The following ICE2 variants were observed in gnomAD, a reference collection of about 807,000 sequenced individuals.
ICE2 encodes the protein little elongation complex subunit 2.
Under a neutral mutation model 105.4 loss-of-function variants are expected in ICE2, and 87 were observed. That is an observed-to-expected ratio of 0.83 (90% CI 0.69 to 0.99). The LOEUF (loss-of-function observed/expected upper bound fraction) is 0.99, where lower values mean the gene tolerates loss of function less well. ICE2 is among the 50% of genes least tolerant of loss of function. The probability of loss-of-function intolerance (pLI) is 0.00; values close to 1 mark genes in which losing one functional copy is unlikely to be tolerated. For synonymous variants in ICE2, 399 were observed against 392.0 expected (o/e 1.02, Z -0.21); for missense variants, 1,323 against 1,146.7 (o/e 1.15, Z -2.22).
At chr15:60,455,278 A>C in intron 7 of ICE2, 48 bp downstream of exon 7, 3 of 1,542,470 alleles carry the variant, frequency 1.9e-6, no homozygotes, top group Non-Finnish European at 1.8e-6. Flanking sequence ...ATATTTTGTG[A>C]GATATAAAAG....
At chr15:60,453,393 C>G in intron 9 of ICE2, 1 of 1,360,826 alleles carries the variant, frequency 7.3e-7, no homozygotes, top group Non-Finnish European at 9.5e-7. Flanking sequence ...CAAGTAGGTA[C>G]TACTTCCTTT....
rs1567008845 is a variant in ICE2, at chr15:60,468,117, T to C, written c.352A>G (p.Ile118Val). Residue 118 changes from isoleucine to valine, a missense_variant, in exon 4 of 16, where the codon ATT becomes GTT. Coordinates refer to ENST00000261520, the MANE Select transcript of ICE2 (RefSeq NM_024611.6). ...CCAACAGCTTTGGAATTTGCAGGAA[T>C]CTTTGCGTATTTAACCAACAAGTCC... ...YVDLLVKYAK[I>V]PANSKAVGIN... is the part of the protein sequence containing the mutation. 6.2e-7 allele frequency: 1 copy of C among 1,613,976 alleles called. No homozygotes were observed. The highest frequency in any genetic ancestry group is 1.7e-5 in the Admixed American group (1 of 60,020).
At position 60,428,876 on chromosome 15, in the gene ICE2, T is replaced by A. The variant is rs182533658; in HGVS notation, c.2562-189A>T. ...TTTTATGCTTTTTAGGCAACTAATT[T>A]TAATTCTTATTCCAAAGTTCAGAAT... is the stretch of plus-strand genomic sequence containing the variant. On this transcript the variant is annotated intron_variant, in intron 14 of 15. Transcript: ENST00000261520. Among the ~76,000 whole-genome samples, 446 of 152,374 alleles carry A rather than the reference T, an allele frequency of 2.9e-3. 1 individual carries two copies. Among genetic ancestry groups the A allele is most frequent in the Non-Finnish European group, 2.9e-3 (199 of 68,034 alleles).
At position 60,452,060 on chromosome 15, in the gene ICE2, T is replaced by C. The variant is rs535093650; in HGVS notation, c.1125+1543A>G. ...GTCTACCATTACTGAAAGAAGCCAC[T>C]GTCAATTTTCATCCCTTTTAACCTA... On this transcript the variant is annotated intron_variant, in intron 9 of 15. Transcript: ENST00000261520. The C allele has an allele frequency of 5.0e-5, 49 of 983,868 alleles. No homozygotes were observed. The African/African-American group carries it at 8.4e-4, about 17-fold the overall frequency. The allele number at this position is 983,868 out of a possible 1,614,324, so 60.9% of individuals were successfully genotyped here. A position where few individuals can be genotyped will look rare whatever the true frequency, so the allele number is the denominator to read the frequency against.
At chr15:60,424,096 A>G (rs1566963876) in intron 15 of ICE2, among the ~76,000 whole-genome samples, 1 of 152,184 alleles carries the variant, frequency 6.6e-6, no homozygotes, top group African/African-American at 2.4e-5. Context: ...TGTGTTTGAA[A>G]TAATTAAACT....
rs867780930 is a variant in ICE2, at chr15:60,433,382, G to A, written c.2511-1398C>T. 2.6e-5 allele frequency among the ~76,000 whole-genome samples: 4 copies of A among 152,006 alleles called. No individual in the cohort carries two copies. The South Asian group carries it at 6.3e-4, about 24-fold the overall frequency. ...ATTACAGGCATGAGCTACCGCACCC[G>A]GCCAAATCAGGTATTTAAAAAATTT... is the stretch of plus-strand genomic sequence containing the variant. On this transcript the variant is annotated intron_variant, in intron 13 of 15. Coordinates refer to ENST00000261520, the MANE Select transcript of ICE2 (RefSeq NM_024611.6).
chr15:60,448,781 G>A (rs555199181), intron 10 of ICE2, 67 bp downstream of exon 10: 15 of 1,340,884 alleles, frequency 1.1e-5, no homozygotes, highest in Admixed American at 7.1e-5. Context: ...GTAAAGGAAC[G>A]AGGGAGAAAA....
chr15:60,469,290 T>C (rs62003261), intron 3 of ICE2, among the ~76,000 whole-genome samples: 24,134 of 151,920 alleles, frequency 0.16, 2,121 homozygotes, highest in Middle Eastern at 0.32. Context: ...ATGGGCGTGT[T>C]GCGGGGTGGG....
Position 60,450,461 on chromosome 15 carries a change from T to C in ICE2, c.1126-620A>G, listed in dbSNP as rs73418096. ...TAAATATTGTTTTTCATGTACTGTT[T>C]TGGTAATGGAAAAACTACACACGGC... On this transcript the variant is annotated intron_variant, in intron 9 of 15. Transcript: ENST00000261520. 1.1e-3 allele frequency among the ~76,000 whole-genome samples: 168 copies of C among 152,290 alleles called. 1 individual carries two copies. Among genetic ancestry groups the C allele is most frequent in the Middle Eastern group, 6.8e-3 (2 of 292 alleles).
chr15:60,459,272 T>C (rs1197367752), intron 5 of ICE2, among the ~76,000 whole-genome samples: 1 of 151,942 alleles, frequency 6.6e-6, no homozygotes, highest in Non-Finnish European at 1.5e-5. Flanking sequence ...AACACCAAAA[T>C]TAAAGTACAG....
rs1265393034 is a variant in ICE2, at chr15:60,479,127, G to A, written c.-217C>T. The A allele has an allele frequency of 2.4e-6, 1 of 412,466 alleles. No individual in the cohort carries two copies. Among genetic ancestry groups the A allele is most frequent in the African/African-American group, 2.0e-5 (1 of 49,054 alleles). 25.6% of individuals were successfully genotyped at this position (412,466 alleles called of 1,614,324 possible). ...TTAAAGGATGTGGCCGCGCCGACTC[G>A]GCCCTGCGTGATGACGTCTCAGCGA... On this transcript the variant is annotated 5_prime_UTR_variant, in exon 1 of 16. Transcript: ENST00000261520.
intron 15 of ICE2, among the ~76,000 whole-genome samples, chr15:60,426,886 T>G (rs906011756): frequency 1.3e-5 from 2 of 152,350 alleles, no homozygotes; most frequent in Admixed American, 1.3e-4. Context: ...GTTCTTCAAT[T>G]ATTTTTGAGT....
chr15:60,472,019 TCAGTTA>T (rs1450456471), intron 3 of ICE2, among the ~76,000 whole-genome samples: 1 of 151,966 alleles, frequency 6.6e-6, no homozygotes, highest in African/African-American at 2.4e-5. Flanking sequence ...TGCTTAAAAC[TCAGTTA>T]CGAGTATCTG....
At position 60,453,655 on chromosome 15, in the gene ICE2, G is replaced by A; in HGVS notation, c.1073C>T (p.Pro358Leu). The A allele has an allele frequency of 6.2e-7, 1 of 1,613,592 alleles. No homozygotes were observed. The highest frequency in any genetic ancestry group is 8.5e-7 in the Non-Finnish European group (1 of 1,179,606). The change falls in exon 9 of 16, where the codon CCA becomes CTA. Residue 358 changes from proline (P) to leucine (L), a missense_variant. Transcript: ENST00000261520. Reference sequence around the variant, plus strand: ...TTTGTCCATAAAGACTGCAGAGACTGGAACAGATGTGTTTTTGGACATCAT... The same window carrying A: ...TTTGTCCATAAAGACTGCAGAGACTAGAACAGATGTGTTTTTGGACATCAT... ...KFMMSKNTSVPVSAVFMDKPE... is the reference protein window; with the variant it reads ...KFMMSKNTSVLVSAVFMDKPE...
rs2064441927 is a variant in ICE2, at chr15:60,466,739, CTT to C, written c.409-28_409-27del. ...CTGATTTTTAAAAAAGTAGACATGT[CTT>C]GGGATAAAAAGTTTCATTAAAAAGA... On this transcript the variant is annotated intron_variant, in intron 4 of 15. Coordinates refer to ENST00000261520, the MANE Select transcript of ICE2 (RefSeq NM_024611.6). 3.9e-6 allele frequency: 6 copies of C among 1,554,706 alleles called. No individual in the cohort carries two copies. The African/African-American group carries it at 8.2e-5, about 21-fold the overall frequency.
rs1211144052 is a variant in ICE2 at position 60,422,184 on chromosome 15, G to C, written c.*1450C>G. On this transcript the variant is annotated 3_prime_UTR_variant, in exon 16 of 16. Transcript: ENST00000261520. Reference sequence around the variant, plus strand: ...GGTCACACTCTGATACTCAAGCTGAGTTCTGTGGTGCGATCACAACTCACT... The same window carrying C: ...GGTCACACTCTGATACTCAAGCTGACTTCTGTGGTGCGATCACAACTCACT... The C allele has an allele frequency of 6.6e-6, 1 of 151,014 alleles. No individual in the cohort carries two copies. Among genetic ancestry groups the C allele is most frequent in the Non-Finnish European group, 1.5e-5 (1 of 67,858 alleles). The allele number at this position is 151,014 out of a possible 1,614,324, so 9.4% of individuals were successfully genotyped here. A position where few individuals can be genotyped will look rare whatever the true frequency, so the allele number is the denominator to read the frequency against.
Position 60,448,139 on chromosome 15 carries a change from G to T in ICE2, c.2126C>A (p.Pro709Gln). The T allele has an allele frequency of 1.2e-6, 2 of 1,600,968 alleles. No individual in the cohort carries two copies. The highest frequency in any genetic ancestry group is 1.7e-6 in the Non-Finnish European group (2 of 1,170,878). ...SAFQKPKGRLPYELQDYVEDT... is the reference protein window; with the variant it reads ...SAFQKPKGRLQYELQDYVEDT... ...TTCAACATAGTCCTGAAGTTCATAT[G>T]GCAATCCTTTAAAAATAGTATTTCT... is the stretch of plus-strand genomic sequence containing the variant. The change falls in exon 11 of 16, where the codon CCA (proline) becomes CAA (glutamine). Residue 709 changes from proline (P) to glutamine (Q), a missense_variant. By Grantham distance (76) the Pro-to-Gln change is moderately conservative. Coordinates refer to ENST00000261520, the MANE Select transcript of ICE2 (RefSeq NM_024611.6).
intron 5 of ICE2, among the ~76,000 whole-genome samples, chr15:60,457,837 T>C (rs2064169740): frequency 6.6e-6 from 1 of 152,200 alleles, no homozygotes. Flanking sequence ...TGCAAACTCG[T>C]ATCTGCAAAA....
intron 5 of ICE2, among the ~76,000 whole-genome samples, chr15:60,462,492 A>G (rs1291359234): frequency 6.6e-6 from 1 of 152,248 alleles, no homozygotes; most frequent in Non-Finnish European, 1.5e-5. Context: ...CAATGTATAC[A>G]TATTTAAAAA....
Sources: gnomAD v4.1 joint callset for allele counts (sites outside exome capture counted in the v4.1 genomes callset) on GRCh38, gnomAD v4.1.1 for gene constraint, MANE v1.5 for transcripts, NCBI Gene and HGNC (gene_info 2026-07-23, HGNC 2026-07-21) for gene names.